Variants in ADAMTS12 observed in about 807,000 individuals in gnomAD.
ADAMTS12 encodes A disintegrin and metalloproteinase with thrombospondin motifs 12.
Under a neutral mutation model 167.8 loss-of-function variants are expected in ADAMTS12, and 118 were observed. The observed-to-expected ratio is 0.70, with a 90% CI of 0.61 to 0.82. ADAMTS12 has a LOEUF of 0.82. ADAMTS12 is among the 40% of genes least tolerant of loss of function. ADAMTS12 has a pLI of 0.00. For missense variants in ADAMTS12, 1,916 were observed against 1,998.8 expected, an observed-to-expected ratio of 0.96 and a Z score of 0.79; for synonymous variants, 704 against 716.9, an observed-to-expected ratio of 0.98 and a Z score of 0.29.
intron 2 of ADAMTS12, among the ~76,000 whole-genome samples, chr5:33,795,590 C>G (rs1746742256): frequency 6.6e-6 from 1 of 152,216 alleles, no homozygotes; most frequent in African/African-American, 2.4e-5. Flanking sequence ...ACTCCAGCAA[C>G]TACGCTCCTC....
intron 20 of ADAMTS12, among the ~76,000 whole-genome samples, chr5:33,557,209 G>A (rs1206217747): frequency 6.6e-6 from 1 of 152,172 alleles, no homozygotes; most frequent in Middle Eastern, 3.2e-3. Context: ...CATCCTATGA[G>A]AATTAAAGTG....
At position 33,683,012 on chromosome 5, in the gene ADAMTS12, T is replaced by C. The variant is rs746020433; in HGVS notation, c.915+6A>G. 3.7e-6 allele frequency: 6 copies of C among 1,611,268 alleles called. No individual in the cohort carries two copies. In the South Asian group the frequency reaches 6.6e-5, roughly 18 times the overall value. On this transcript the variant is annotated splice_donor_region_variant and intron_variant, in intron 5 of 23. Transcript: ENST00000504830. ...ATAGCAGAAGAGTGAAGGGAAAAAA[T>C]GTTACCTCTTCTTCTTCGAGTAGAA...
At chr5:33,831,323 A>G (rs1748292325) in intron 2 of ADAMTS12, among the ~76,000 whole-genome samples, 1 of 152,236 alleles carries the variant, frequency 6.6e-6, no homozygotes, top group Non-Finnish European at 1.5e-5. Context: ...GAAAGATGAC[A>G]GAACTAGAAT....
At chr5:33,851,606 T>C (rs1749222743) in intron 2 of ADAMTS12, among the ~76,000 whole-genome samples, 1 of 152,184 alleles carries the variant, frequency 6.6e-6, no homozygotes, top group Admixed American at 6.5e-5. Context: ...GCAACTGTTA[T>C]CACAACCTTC....
intron 2 of ADAMTS12, among the ~76,000 whole-genome samples, chr5:33,850,060 G>C (rs1039751732): frequency 6.6e-6 from 1 of 152,072 alleles, no homozygotes; most frequent in Non-Finnish European, 1.5e-5. Flanking sequence ...AACGAAGGGG[G>C]AAAAGCCTAG....
At chr5:33,737,921 G>A (rs183738818) in intron 3 of ADAMTS12, among the ~76,000 whole-genome samples, 1 of 152,240 alleles carries the variant, frequency 6.6e-6, no homozygotes, top group Admixed American at 6.5e-5. Context: ...AGTTTACAGA[G>A]GAGAAAATAG....
At chr5:33,836,348 C>G (rs1389679323) in intron 2 of ADAMTS12, among the ~76,000 whole-genome samples, 1 of 152,164 alleles carries the variant, frequency 6.6e-6, no homozygotes, top group Non-Finnish European at 1.5e-5. Context: ...CTCCAAACAC[C>G]CTCCTCTGAC....
chr5:33,865,297 C>G (rs1321525550), intron 2 of ADAMTS12, among the ~76,000 whole-genome samples: 1 of 151,972 alleles, frequency 6.6e-6, no homozygotes, highest in East Asian at 1.9e-4. Context: ...TGGATTTCAC[C>G]CCAGGGATGT....
chr5:33,599,019 C>A (rs55738809), intron 16 of ADAMTS12, among the ~76,000 whole-genome samples: 1 of 152,110 alleles, frequency 6.6e-6, no homozygotes, highest in Non-Finnish European at 1.5e-5. Flanking sequence ...AACAGTCAGC[C>A]CCAGATGAAC....
intron 5 of ADAMTS12, among the ~76,000 whole-genome samples, chr5:33,680,398 C>T (rs1742066242): frequency 6.6e-6 from 1 of 152,158 alleles, no homozygotes; most frequent in South Asian, 2.1e-4. Context: ...TTATGAAATC[C>T]TACCAGTGGT....
chr5:33,576,031 G>A (rs780453858), intron 19 of ADAMTS12, 23 bp downstream of exon 19: 10 of 1,592,592 alleles, frequency 6.3e-6, no homozygotes, highest in Non-Finnish European at 8.6e-6. Context: ...GTAAAACCAG[G>A]CCAGGGGTAG....
intron 1 of ADAMTS12, among the ~76,000 whole-genome samples, chr5:33,882,645 G>A (rs1280820282): frequency 3.3e-5 from 5 of 152,132 alleles, no homozygotes; most frequent in Non-Finnish European, 7.4e-5. Context: ...AGGCTGGAGT[G>A]CAATGGCATG....
chr5:33,855,817 C>T (rs563963720), intron 2 of ADAMTS12, among the ~76,000 whole-genome samples: 15 of 152,212 alleles, frequency 9.9e-5, no homozygotes, highest in African/African-American at 3.6e-4. Context: ...TTGCATCAAC[C>T]ACAGTCTCAA....
At chr5:33,531,036 G>A (rs147109270) in intron 23 of ADAMTS12, among the ~76,000 whole-genome samples, 270 of 152,332 alleles carry the variant, frequency 1.8e-3, no homozygotes, top group African/African-American at 6.2e-3. Context: ...AAAAAGAGGA[G>A]AAGAGACACA....
chr5:33,565,099 A>G (rs1422856322), intron 19 of ADAMTS12, among the ~76,000 whole-genome samples: 2 of 152,142 alleles, frequency 1.3e-5, no homozygotes, highest in Non-Finnish European at 2.9e-5. Context: ...GACAGTGAGG[A>G]ACTCAAAACT....
intron 3 of ADAMTS12, among the ~76,000 whole-genome samples, chr5:33,685,548 G>C (rs1742293880): frequency 1.3e-5 from 2 of 152,196 alleles, no homozygotes; most frequent in South Asian, 4.1e-4. Flanking sequence ...ATTTAGACAT[G>C]TTTGGCGATA....
chr5:33,870,185 C>A (rs2111731486), intron 2 of ADAMTS12, among the ~76,000 whole-genome samples: 1 of 152,266 alleles, frequency 6.6e-6, no homozygotes, highest in Non-Finnish European at 1.5e-5. Flanking sequence ...AACACACAGG[C>A]TTTACGAACA....
Position 33,789,976 on chromosome 5 carries a change from T to C in ADAMTS12, c.490-38428A>G, listed in dbSNP as rs529826691. On this transcript the variant is annotated intron_variant, in intron 2 of 23. Coordinates refer to ENST00000504830, the MANE Select transcript of ADAMTS12 (RefSeq NM_030955.4). ...TTTCACCCCGAGACTACACTATGAA[T>C]CCTTAAAATTACGGACCTTTTCAAA... 6.6e-5 allele frequency among the ~76,000 whole-genome samples: 10 copies of C among 152,348 alleles called. No homozygotes were observed. In the South Asian group the frequency reaches 2.1e-3, roughly 32 times the overall value.
At chr5:33,771,239 C>A (rs1745728045) in intron 2 of ADAMTS12, among the ~76,000 whole-genome samples, 1 of 152,148 alleles carries the variant, frequency 6.6e-6, no homozygotes, top group Non-Finnish European at 1.5e-5. Flanking sequence ...TGATGTTGAA[C>A]ATCCATAACT....
Sources: gnomAD v4.1 joint callset for allele counts (sites outside exome capture counted in the v4.1 genomes callset) on GRCh38, gnomAD v4.1.1 for gene constraint, MANE v1.5 for transcripts, NCBI Gene and HGNC (gene_info 2026-07-23, HGNC 2026-07-21) for gene names.